Variants in PTPRN2 observed in about 807,000 individuals in gnomAD.
The protein encoded by PTPRN2 is protein tyrosine phosphatase receptor type N2.
Under a neutral mutation model 118.8 loss-of-function variants are expected in PTPRN2, and 74 were observed. The observed-to-expected ratio is 0.62, with a 90% confidence interval of 0.52 to 0.76. The LOEUF is 0.76. Among genes scored for constraint, PTPRN2 ranks in the 30% least tolerant of loss-of-function variants. PTPRN2 has a pLI of 0.00. For missense variants in PTPRN2, 1,481 were observed against 1,394.4 expected, an observed-to-expected ratio of 1.06 and a Z score of -0.99; for synonymous variants, 641 against 608.0, an observed-to-expected ratio of 1.05 and a Z score of -0.80.
chr7:158,133,827 G>A lies in PTPRN2; in HGVS notation c.1406C>T (p.Ala469Val), dbSNP rs1346944988. Residue 469 changes from alanine to valine, a missense_variant, in exon 9 of 23, where the codon GCG becomes GTG. Ala to Val is a moderately conservative substitution (Grantham distance 64, BLOSUM62 0). This residue lies in a region of PTPRN2 where 1,115 missense variants were observed against 994.2 expected (regional missense o/e 1.12). Coordinates refer to ENST00000389418, the MANE Select transcript of PTPRN2 (RefSeq NM_002847.5). ...CATCTGGTTTTGGAGCTCCCCAAAC[G>A]CAGCGGCCCCGGGCTCCGAATGCGG... is the stretch of plus-strand genomic sequence containing the variant. ...QQPHSEPGAA[A>V]FGELQNQMPG... The A allele has an allele frequency of 1.7e-5, 28 of 1,613,932 alleles. No homozygotes were observed. Among genetic ancestry groups the A allele is most frequent in the East Asian group, 4.5e-5 (2 of 44,884 alleles).
chr7:157,948,956 C>T (rs956653133), intron 11 of PTPRN2, among the ~76,000 whole-genome samples: 9 of 152,036 alleles, frequency 5.9e-5, no homozygotes, highest in Non-Finnish European at 7.4e-5. Context: ...CCCATGTATA[C>T]GGAGAGCTGA....
intron 13 of PTPRN2, among the ~76,000 whole-genome samples, chr7:157,669,390 T>C (rs1034352087): frequency 2.2e-4 from 34 of 151,918 alleles, no homozygotes; most frequent in African/African-American, 7.5e-4. Context: ...CTTTTACACT[T>C]GGACCAAGAA....
intron 2 of PTPRN2, among the ~76,000 whole-genome samples, chr7:158,366,908 G>C (rs546232412): frequency 6.6e-6 from 1 of 152,192 alleles, no homozygotes; most frequent in Non-Finnish European, 1.5e-5. Flanking sequence ...ACAGCAAAGC[G>C]GTGCCTTTGC....
intron 12 of PTPRN2, among the ~76,000 whole-genome samples, chr7:157,883,428 C>T (rs73746691): frequency 0.02 from 2,942 of 150,266 alleles, 77 homozygotes; most frequent in African/African-American, 0.065. Context: ...GATCAGAACA[C>T]ACCACCCCAA....
Position 158,124,672 on chromosome 7 carries a change from C to A in PTPRN2, c.1556+9005G>T, listed in dbSNP as rs537726089. Among the ~76,000 whole-genome samples the A allele has an allele frequency of 2.6e-5, 4 of 152,282 alleles. No individual in the cohort carries two copies. The South Asian group carries it at 8.3e-4, about 32-fold the overall frequency. Reference sequence around the variant, plus strand: ...CGTGAACAGGAAGCTGCCTCCCAGACGGGACAGGTGCAGAGCTGGGACCTT... The same window carrying A: ...CGTGAACAGGAAGCTGCCTCCCAGAAGGGACAGGTGCAGAGCTGGGACCTT... On this transcript the variant is annotated intron_variant, in intron 9 of 22. Transcript: ENST00000389418.
chr7:157,630,604 T>C (rs1803884013), intron 14 of PTPRN2, among the ~76,000 whole-genome samples: 2 of 152,120 alleles, frequency 1.3e-5, no homozygotes, highest in Non-Finnish European at 2.9e-5. Flanking sequence ...AACAAGCAAC[T>C]TGAGATGCAG....
rs1001831347 is a variant in PTPRN2 at position 158,222,936 on chromosome 7, C to T, written c.278-17663G>A. Among the ~76,000 whole-genome samples, 6 of 151,726 alleles carry T rather than the reference C, an allele frequency of 4.0e-5. No individual in the cohort carries two copies. The South Asian group carries it at 1.3e-3, about 32-fold the overall frequency. ...ATCAGTAAAATTGACAAATCTCTAT[C>T]AAGACTAACAAAAAACAAGAGAGAA... On this transcript the variant is annotated intron_variant, in intron 3 of 22. Transcript: ENST00000389418.
At chr7:158,556,912 C>T (rs1827050891) in intron 1 of PTPRN2, among the ~76,000 whole-genome samples, 6 of 144,642 alleles carry the variant, frequency 4.1e-5, no homozygotes, top group Admixed American at 4.1e-4. Context: ...GTGCAGGTCG[C>T]TCCCACGCAG....
intron 16 of PTPRN2, among the ~76,000 whole-genome samples, chr7:157,599,796 C>T (rs1801556050): frequency 6.6e-6 from 1 of 152,176 alleles, no homozygotes; most frequent in Non-Finnish European, 1.5e-5. Flanking sequence ...TGAAATCTTG[C>T]ACAGAGAATA....
intron 2 of PTPRN2, among the ~76,000 whole-genome samples, chr7:158,478,700 T>TG (rs769554959): frequency 6.6e-6 from 1 of 151,998 alleles, no homozygotes; most frequent in Non-Finnish European, 1.5e-5. Flanking sequence ...AGGATGACTG[T>TG]GGGGGGCAGA....
At chr7:157,835,490 TAA>T (rs1268470198) in intron 12 of PTPRN2, among the ~76,000 whole-genome samples, 1 of 151,920 alleles carries the variant, frequency 6.6e-6, no homozygotes, top group African/African-American at 2.4e-5. Context: ...CAAAAGATGC[TAA>T]AAGAGGGGAT....
In PTPRN2 at chr7:157,787,075, CGGG is replaced by C. The variant is rs1804096537; in HGVS notation, c.1789-104141_1789-104139del. On this transcript the variant is annotated intron_variant, in intron 12 of 22. Transcript: ENST00000389418. This position sits in a 1 kb window ranked among gnomAD's most constrained non-coding sequence, Gnocchi z 5.3. ...GCCCGGGAGGCGGACGCGGGTGCGG[CGGG>C]GGACGCGGGGGTGGCTGCCCGGGAG... Among the ~76,000 whole-genome samples, 1 of 111,940 alleles carries C rather than the reference CGGG, an allele frequency of 8.9e-6. No homozygotes were observed. The highest frequency in any genetic ancestry group is 1.8e-5 in the Non-Finnish European group (1 of 54,526). The allele number at this position is 111,940 out of a possible 152,430, so 73.4% of individuals were successfully genotyped here.
At chr7:158,076,068 T>C (rs1462464776) in intron 11 of PTPRN2, among the ~76,000 whole-genome samples, 3 of 152,250 alleles carry the variant, frequency 2.0e-5, no homozygotes, top group Non-Finnish European at 4.4e-5. Flanking sequence ...GGAGAGTCAC[T>C]TTCATCAGTC....
intron 2 of PTPRN2, among the ~76,000 whole-genome samples, chr7:158,330,548 A>C (rs1804158361): frequency 1.5e-5 from 1 of 64,964 alleles, no homozygotes. Flanking sequence ...ACACCCGCAG[A>C]CGTCACTCAC....
At chr7:158,054,739 C>G (rs551491589) in intron 11 of PTPRN2, among the ~76,000 whole-genome samples, 8 of 152,358 alleles carry the variant, frequency 5.3e-5, no homozygotes, top group Non-Finnish European at 1.2e-4. Flanking sequence ...AAGTCCTGCC[C>G]ATAGTGTGCC....
chr7:157,964,168 G>A lies in PTPRN2; in HGVS notation c.1724-65431C>T, dbSNP rs543134635. Among the ~76,000 whole-genome samples the A allele has an allele frequency of 5.9e-5, 9 of 152,256 alleles. No homozygotes were observed. Among genetic ancestry groups the A allele is most frequent in the African/African-American group, 1.9e-4 (8 of 41,548 alleles). Reference sequence around the variant, plus strand: ...CCACTGGCACACCATGGGGACAGCTGGGTGGGGTAGTGTTGAGTTCTGGTC... The same window carrying A: ...CCACTGGCACACCATGGGGACAGCTAGGTGGGGTAGTGTTGAGTTCTGGTC... On this transcript the variant is annotated intron_variant, in intron 11 of 22. Transcript: ENST00000389418. This position sits in a 1 kb window ranked among gnomAD's most constrained non-coding sequence, Gnocchi z 9.0.
intron 12 of PTPRN2, among the ~76,000 whole-genome samples, chr7:157,843,724 A>G (rs537912379): frequency 1.2e-4 from 18 of 152,356 alleles, no homozygotes; most frequent in African/African-American, 4.1e-4. Context: ...GTGCCACACA[A>G]TATCATGATA....
At position 157,958,717 on chromosome 7, in the gene PTPRN2, G is replaced by A. The variant is rs1175279259; in HGVS notation, c.1724-59980C>T. On this transcript the variant is annotated intron_variant, in intron 11 of 22. Transcript: ENST00000389418. The stretch of plus-strand genomic sequence containing the variant: ...GCTTAACTAAGGAGGTGAAGGACAT[G>A]TACACTGAAAACTACAAAGTGTTGT... Among the ~76,000 whole-genome samples, 7 of 152,282 alleles carry A rather than the reference G, an allele frequency of 4.6e-5. No homozygotes were observed. The South Asian group carries it at 1.0e-3, about 23-fold the overall frequency.
intron 6 of PTPRN2, among the ~76,000 whole-genome samples, chr7:158,156,567 A>G (rs1012504418): frequency 1.3e-5 from 2 of 152,240 alleles, no homozygotes; most frequent in Non-Finnish European, 2.9e-5. Context: ...GAAAAGTTCT[A>G]GAAATGCCGG....
Sources: allele counts gnomAD v4.1 joint callset (sites outside exome capture counted in the v4.1 genomes callset), GRCh38; gene constraint gnomAD v4.1.1; regional missense constraint gnomAD v4.1.1; non-coding constraint Gnocchi (gnomAD v3.1); transcripts MANE v1.5; gene names NCBI Gene and HGNC (gene_info 2026-07-23, HGNC 2026-07-21).